Variants in TCEAL2 observed in about 807,000 individuals in gnomAD.
TCEAL2 encodes the protein transcription elongation factor A like 2.
For missense variants in TCEAL2, 169 were observed against 166.6 expected, an observed-to-expected ratio of 1.01 and a Z score of -0.08; for synonymous variants, 65 against 57.9, an observed-to-expected ratio of 1.12 and a Z score of -0.55.
In TCEAL2 at chrX:102,125,747, G is replaced by T. The variant is rs1239570857; in HGVS notation, c.-160G>T. 1 of 112,038 alleles carries T rather than the reference G, an allele frequency of 8.9e-6. No homozygotes were observed. The highest frequency in any genetic ancestry group is 9.3e-5 in the Admixed American group (1 of 10,760). 9.2% of individuals were successfully genotyped at this position (112,038 alleles called of 1,213,427 possible). ...TGTCTGAGCTGCCCAGGCGGCGGGG[G>T]AGCAGCGAGCGGGCTTCAGCGAGCC... On this transcript the variant is annotated 5_prime_UTR_variant, in exon 1 of 3. Transcript: ENST00000372780.
chrX:102,126,946 A>G lies in TCEAL2; in HGVS notation c.116A>G (p.Lys39Arg), dbSNP rs1056913574. 25 of 1,210,825 alleles carry G rather than the reference A, an allele frequency of 2.1e-5. No homozygotes were observed. Among genetic ancestry groups the G allele is most frequent in the Non-Finnish European group, 2.7e-5 (24 of 895,422 alleles). ...KPEVACILED[K>R]KLENEGNTEN... ...GAAGTAGCTTGTATTCTGGAAGACAAGAAGTTAGAAAACGAGGGAAACACA... is the reference window on the plus strand; with the variant it reads ...GAAGTAGCTTGTATTCTGGAAGACAGGAAGTTAGAAAACGAGGGAAACACA... The change falls in exon 3 of 3, where the codon AAG (lysine) becomes AGG (arginine). Residue 39 changes from lysine to arginine, a missense_variant. Physicochemically the swap from Lys to Arg is conservative, Grantham distance 26. Coordinates refer to ENST00000372780, the MANE Select transcript of TCEAL2 (RefSeq NM_080390.4).
Position 102,126,397 on chromosome X carries a change from G to T in TCEAL2, c.-76G>T. The T allele has an allele frequency of 9.0e-7, 1 of 1,105,348 alleles. No homozygotes were observed. The highest frequency in any genetic ancestry group is 1.2e-6 in the Non-Finnish European group (1 of 819,247). 91.1% of individuals were successfully genotyped at this position (1,105,348 alleles called of 1,213,427 possible). Reference sequence around the variant, plus strand: ...GGTCTGCGCGTCTGTTGTTCCCAGCGCTCTGAGAGGCCTGAAAAGGAAGAG... The same window carrying T: ...GGTCTGCGCGTCTGTTGTTCCCAGCTCTCTGAGAGGCCTGAAAAGGAAGAG... On this transcript the variant is annotated 5_prime_UTR_variant, in exon 2 of 3. Coordinates refer to ENST00000372780, the MANE Select transcript of TCEAL2 (RefSeq NM_080390.4).
chrX:102,126,106 C>G (rs902630190), intron 1 of TCEAL2: 8 of 275,859 alleles, frequency 2.9e-5, no homozygotes, highest in Non-Finnish European at 3.2e-5. Context: ...TTCTCACAAT[C>G]TACACCCATG....
rs530472711 is a variant in TCEAL2, at chrX:102,127,543, A to G, written c.*29A>G. ...CCCTGGCAGGCATTTGTCAGGCCATATGTTTTAACCTTATGGTAATACTTT... is the reference window on the plus strand; with the variant it reads ...CCCTGGCAGGCATTTGTCAGGCCATGTGTTTTAACCTTATGGTAATACTTT... On this transcript the variant is annotated 3_prime_UTR_variant, in exon 3 of 3. Coordinates refer to ENST00000372780, the MANE Select transcript of TCEAL2 (RefSeq NM_080390.4). 6.8e-5 allele frequency: 78 copies of G among 1,144,372 alleles called. No individual in the cohort carries two copies. The South Asian group carries it at 1.0e-3, about 15-fold the overall frequency. The allele number at this position is 1,144,372 out of a possible 1,213,427, so 94.3% of individuals were successfully genotyped here.
Position 102,127,367 on chromosome X carries a change from T to G in TCEAL2, c.537T>G (p.Asp179Glu), listed in dbSNP as rs371205658. ...REFDNMARVE[D>E]KRRKSKQKLG... ...TTGACAACATGGCTAGGGTGGAGGA[T>G]AAAAGGAGAAAAAGCAAACAGAAAT... The change falls in exon 3 of 3, where the codon GAT (aspartate) becomes GAG (glutamate). Residue 179 changes from aspartate (D) to glutamate (E), a missense_variant. Transcript: ENST00000372780. 9 of 1,208,832 alleles carry G rather than the reference T, an allele frequency of 7.4e-6. No homozygotes were observed. The highest frequency in any genetic ancestry group is 2.3e-4 in the Middle Eastern group (1 of 4,366).
At position 102,127,628 on chromosome X, in the gene TCEAL2, C is replaced by A; in HGVS notation, c.*114C>A. Reference sequence around the variant, plus strand: ...TGACCCACCTGCCAGTGTTTGCTTGCTCTATGTTTCAGTAGCAGATTTTCA... The same window carrying A: ...TGACCCACCTGCCAGTGTTTGCTTGATCTATGTTTCAGTAGCAGATTTTCA... On this transcript the variant is annotated 3_prime_UTR_variant, in exon 3 of 3. Transcript: ENST00000372780. 1 of 862,873 alleles carries A rather than the reference C, an allele frequency of 1.2e-6. No homozygotes were observed. Among genetic ancestry groups the A allele is most frequent in the Non-Finnish European group, 1.6e-6 (1 of 635,222 alleles). The allele number at this position is 862,873 out of a possible 1,213,427, so 71.1% of individuals were successfully genotyped here. A position where few individuals can be genotyped will look rare whatever the true frequency, so the allele number is the denominator to read the frequency against.
At position 102,126,843 on chromosome X, in the gene TCEAL2, T is replaced by C; in HGVS notation, c.13T>C (p.Phe5Leu). Reference sequence around the variant, plus strand: ...GGGAAATCTCGACATGGAAAAACTCTTCAATGAAAATGAAGGAATGCCTTC... The same window carrying C: ...GGGAAATCTCGACATGGAAAAACTCCTCAATGAAAATGAAGGAATGCCTTC... MEKLFNENEGMPSNQ... is the reference protein window; with the variant it reads MEKLLNENEGMPSNQ... The change falls in exon 3 of 3, where the codon TTC (phenylalanine) becomes CTC (leucine). Residue 5 changes from phenylalanine (F) to leucine (L), a missense_variant. Phe to Leu is a conservative substitution (Grantham distance 22). Transcript: ENST00000372780. 1 of 1,205,442 alleles carries C rather than the reference T, an allele frequency of 8.3e-7. No individual in the cohort carries two copies. The highest frequency in any genetic ancestry group is 1.1e-6 in the Non-Finnish European group (1 of 893,511).
In TCEAL2 at chrX:102,127,605, A is replaced by C; in HGVS notation, c.*91A>C. 9.1e-6 allele frequency: 9 copies of C among 990,865 alleles called. No homozygotes were observed. The allele number at this position is 990,865 out of a possible 1,213,427, so 81.7% of individuals were successfully genotyped here. A position where few individuals can be genotyped will look rare whatever the true frequency, so the allele number is the denominator to read the frequency against. On this transcript the variant is annotated 3_prime_UTR_variant, in exon 3 of 3. Coordinates refer to ENST00000372780, the MANE Select transcript of TCEAL2 (RefSeq NM_080390.4). Reference sequence around the variant, plus strand: ...TCCTCCTGCTACCAGTAGCGTTTTGACCCACCTGCCAGTGTTTGCTTGCTC... The same window carrying C: ...TCCTCCTGCTACCAGTAGCGTTTTGCCCCACCTGCCAGTGTTTGCTTGCTC...
Position 102,126,996 on chromosome X carries a change from G to C in TCEAL2, c.166G>C (p.Glu56Gln). 1 of 1,211,222 alleles carries C rather than the reference G, an allele frequency of 8.3e-7. No individual in the cohort carries two copies. Among genetic ancestry groups the C allele is most frequent in the Non-Finnish European group, 1.1e-6 (1 of 895,241 alleles). Residue 56 changes from glutamate to glutamine, a missense_variant, in exon 3 of 3, where the codon GAA becomes CAA. By Grantham distance (29) the Glu-to-Gln change is conservative (BLOSUM62 2). Coordinates refer to ENST00000372780, the MANE Select transcript of TCEAL2 (RefSeq NM_080390.4). ...AGAAAACACGGGCAAGAGAGTTGAG[G>C]AACCGTTAAAGGATAAAGAAAAGCC... is the stretch of plus-strand genomic sequence containing the variant. ...NTENTGKRVE[E>Q]PLKDKEKPES...
rs1028754415 is a variant in TCEAL2, at chrX:102,127,640, G to C, written c.*126G>C. ...CAGTGTTTGCTTGCTCTATGTTTCAGTAGCAGATTTTCACACATGTGCATT... is the reference window on the plus strand; with the variant it reads ...CAGTGTTTGCTTGCTCTATGTTTCACTAGCAGATTTTCACACATGTGCATT... On this transcript the variant is annotated 3_prime_UTR_variant, in exon 3 of 3. Transcript: ENST00000372780. 25 of 780,041 alleles carry C rather than the reference G, an allele frequency of 3.2e-5. No homozygotes were observed. The Admixed American group carries it at 1.0e-3, about 32-fold the overall frequency. 64.3% of individuals were successfully genotyped at this position (780,041 alleles called of 1,213,427 possible).
rs764107137 is a variant in TCEAL2, at chrX:102,126,517, C to G, written c.-28+72C>G. 4.0e-6 allele frequency: 3 copies of G among 744,354 alleles called. No homozygotes were observed. In the African/African-American group the frequency reaches 6.3e-5, roughly 16 times the overall value. 61.3% of individuals were successfully genotyped at this position (744,354 alleles called of 1,213,427 possible). On this transcript the variant is annotated intron_variant, in intron 2 of 2. Coordinates refer to ENST00000372780, the MANE Select transcript of TCEAL2 (RefSeq NM_080390.4). Reference sequence around the variant, plus strand: ...AGAGTGTGGAGGGCACAGTCAGGGCCGAATTGGGGCCCCTGCCCATCCCCT... The same window carrying G: ...AGAGTGTGGAGGGCACAGTCAGGGCGGAATTGGGGCCCCTGCCCATCCCCT...
chrX:102,126,911 G>A lies in TCEAL2; in HGVS notation c.81G>A (p.Glu27=). 8.3e-7 allele frequency: 1 copy of A among 1,211,943 alleles called. No homozygotes were observed. Residue 27 remains glutamate, a synonymous_variant, in exon 3 of 3, where the codon GAG becomes GAA. Coordinates refer to ENST00000372780, the MANE Select transcript of TCEAL2 (RefSeq NM_080390.4). Reference sequence around the variant, plus strand: ...ACAATGAAGAACAGCCACCGCACGAGGGAAAGCCAGAAGTAGCTTGTATTC... The same window carrying A: ...ACAATGAAGAACAGCCACCGCACGAAGGAAAGCCAGAAGTAGCTTGTATTC... ...KIDNEEQPPH[E]GKPEVACILE...
Position 102,127,215 on chromosome X carries a change from C to G in TCEAL2, c.385C>G (p.Pro129Ala). ...ESETRAAGKR[P>A]AEDDIPRKAK... is the part of the protein sequence containing the mutation. ...TGAAACAAGGGCTGCAGGAAAGCGC[C>G]CAGCTGAGGATGATATACCCAGGAA... The change falls in exon 3 of 3, where the codon CCA (proline) becomes GCA (alanine). Residue 129 changes from proline to alanine, a missense_variant. Transcript: ENST00000372780. 3 of 1,210,748 alleles carry G rather than the reference C, an allele frequency of 2.5e-6. No individual in the cohort carries two copies. Among genetic ancestry groups the G allele is most frequent in the Non-Finnish European group, 3.4e-6 (3 of 895,268 alleles).
At chrX:102,126,187 A>G in intron 1 of TCEAL2, 186 bp from the exon 2 acceptor site, 2 of 453,736 alleles carry the variant, frequency 4.4e-6, no homozygotes, top group South Asian at 5.5e-5. Flanking sequence ...GGACACAGAG[A>G]CAAACGCAGT....
In TCEAL2 at chrX:102,127,489, A is replaced by G; in HGVS notation, c.659A>G (p.Asp220Gly). ...GGTGGCTGCAGGGCCCCACGAAGGG[A>G]CACTGAAGACATTCCTTATGTGTAG... The part of the protein sequence containing the change: ...FRGGCRAPRR[D>G]TEDIPYV The change falls in exon 3 of 3, where the codon GAC becomes GGC. Residue 220 changes from aspartate (D) to glycine (G), a missense_variant. Transcript: ENST00000372780. 1 of 1,178,839 alleles carries G rather than the reference A, an allele frequency of 8.5e-7. No individual in the cohort carries two copies. Among genetic ancestry groups the G allele is most frequent in the East Asian group, 3.0e-5 (1 of 33,713 alleles).
Position 102,126,970 on chromosome X carries a change from C to G in TCEAL2, c.140C>G (p.Thr47Arg). 8.3e-7 allele frequency: 1 copy of G among 1,211,597 alleles called. No homozygotes were observed. The highest frequency in any genetic ancestry group is 1.1e-6 in the Non-Finnish European group (1 of 895,480). Residue 47 changes from threonine (T) to arginine (R), a missense_variant, in exon 3 of 3, where the codon ACA becomes AGA. Transcript: ENST00000372780. The part of the protein sequence containing the change: ...EDKKLENEGN[T>R]ENTGKRVEEP... ...AAGAAGTTAGAAAACGAGGGAAACA[C>G]AGAAAACACGGGCAAGAGAGTTGAG...
In TCEAL2 at chrX:102,125,686, C is replaced by T. The variant is rs1010964904; in HGVS notation, c.-221C>T. ...CCCCCGCGCCCGCCCGCCAGCCCGCCCAGCGGTCGGGTCCGGGCGCCCGCG... is the reference window on the plus strand; with the variant it reads ...CCCCCGCGCCCGCCCGCCAGCCCGCTCAGCGGTCGGGTCCGGGCGCCCGCG... On this transcript the variant is annotated 5_prime_UTR_variant, in exon 1 of 3. Coordinates refer to ENST00000372780, the MANE Select transcript of TCEAL2 (RefSeq NM_080390.4). 8.9e-6 allele frequency: 1 copy of T among 112,331 alleles called. No homozygotes were observed. Among genetic ancestry groups the T allele is most frequent in the Non-Finnish European group, 1.9e-5 (1 of 53,174 alleles). 9.3% of individuals were successfully genotyped at this position (112,331 alleles called of 1,213,427 possible).
At position 102,127,171 on chromosome X, in the gene TCEAL2, G is replaced by A; in HGVS notation, c.341G>A (p.Ser114Asn). The change falls in exon 3 of 3, where the codon AGT (serine) becomes AAT (asparagine). Residue 114 changes from serine (S) to asparagine (N), a missense_variant. By Grantham distance (46) the Ser-to-Asn change is conservative. Transcript: ENST00000372780. ...GEPDSEREPE[S>N]EGEPESETRA... ...CCAGACAGTGAAAGAGAGCCAGAGAGTGAGGGAGAGCCAGAAAGTGAAACA... is the reference window on the plus strand; with the variant it reads ...CCAGACAGTGAAAGAGAGCCAGAGAATGAGGGAGAGCCAGAAAGTGAAACA... 5.0e-6 allele frequency: 6 copies of A among 1,210,963 alleles called. No homozygotes were observed. The highest frequency in any genetic ancestry group is 6.7e-6 in the Non-Finnish European group (6 of 895,175).
In TCEAL2 at chrX:102,127,400, G is replaced by A. The variant is rs1353635106; in HGVS notation, c.570G>A (p.Ala190=). The A allele has an allele frequency of 2.5e-6, 3 of 1,209,177 alleles. No individual in the cohort carries two copies. The highest frequency in any genetic ancestry group is 3.5e-5 in the African/African-American group (2 of 56,965). Residue 190 remains alanine, a synonymous_variant, in exon 3 of 3, where the codon GCG becomes GCA. Transcript: ENST00000372780. ...KRRKSKQKLG[A]FLWMQRNLQD... is the part of the protein sequence containing the mutation. ...GAAAAAGCAAACAGAAATTGGGGGC[G>A]TTTTTGTGGATGCAAAGAAATTTAC...
Sources: allele counts gnomAD v4.1 joint callset, GRCh38; gene constraint gnomAD v4.1.1; transcripts MANE v1.5; gene names NCBI Gene and HGNC (gene_info 2026-07-23, HGNC 2026-07-21).